Variants in SNTG1 observed in about 807,000 individuals in gnomAD.
The protein encoded by SNTG1 is syntrophin gamma 1.
In SNTG1, 39 loss-of-function variants were observed where a neutral mutation model predicts 74.7. The ratio of observed to expected loss-of-function variants is 0.52; its 90% CI spans 0.40 to 0.68. The LOEUF (loss-of-function observed/expected upper bound fraction) is 0.68. Ranked by LOEUF, SNTG1 falls within the 30% of genes least tolerant of loss-of-function variation. The pLI is 0.00. For missense variants in SNTG1, 685 were observed against 609.5 expected (o/e 1.12, Z -1.30); for synonymous variants, 254 against 217.1 (o/e 1.17, Z -1.49).
At chr8:50,425,889 C>T (rs560149267) in intron 4 of SNTG1, among the ~76,000 whole-genome samples, 126 of 152,212 alleles carry the variant, frequency 8.3e-4, no homozygotes, top group Middle Eastern at 3.4e-3. Flanking sequence ...GGACGAATTC[C>T]TAAATCCCAG....
intron 13 of SNTG1, among the ~76,000 whole-genome samples, chr8:50,608,712 A>G (rs1479421399): frequency 6.6e-6 from 1 of 151,864 alleles, no homozygotes; most frequent in East Asian, 1.9e-4. Flanking sequence ...TGAAATAATT[A>G]TGGATATGCT....
At chr8:50,353,948 G>A (rs1318472719) in intron 2 of SNTG1, among the ~76,000 whole-genome samples, 1 of 152,202 alleles carries the variant, frequency 6.6e-6, no homozygotes. Context: ...TGTTTCAAAA[G>A]GACTAATTGA....
intron 1 of SNTG1, among the ~76,000 whole-genome samples, chr8:50,034,202 C>A (rs1276323052): frequency 1.3e-5 from 2 of 152,106 alleles, no homozygotes; most frequent in African/African-American, 4.8e-5. Context: ...ATAAATTCAG[C>A]AATTGGATCA....
intron 13 of SNTG1, among the ~76,000 whole-genome samples, chr8:50,611,876 C>T (rs930276690): frequency 5.3e-5 from 8 of 152,142 alleles, no homozygotes; most frequent in African/African-American, 1.7e-4. Context: ...AAACAATCCT[C>T]CTACCTCAGC....
intron 8 of SNTG1, among the ~76,000 whole-genome samples, chr8:50,460,677 G>A (rs2093552887): frequency 6.6e-6 from 1 of 152,066 alleles, no homozygotes; most frequent in Non-Finnish European, 1.5e-5. Context: ...TGAAAGGTAG[G>A]GGTCCAGTTT....
chr8:50,136,260 G>T (rs2081472834), intron 1 of SNTG1, among the ~76,000 whole-genome samples: 1 of 152,064 alleles, frequency 6.6e-6, no homozygotes, highest in Non-Finnish European at 1.5e-5. Flanking sequence ...TATTTTGGGG[G>T]GGAATATGCC....
At chr8:50,624,825 G>A (rs981365188) in intron 13 of SNTG1, among the ~76,000 whole-genome samples, 1 of 152,102 alleles carries the variant, frequency 6.6e-6, no homozygotes, top group Non-Finnish European at 1.5e-5. Flanking sequence ...ATGACAAGAA[G>A]TCAAGTTCCA....
chr8:50,581,866 T>C (rs1462388620), intron 12 of SNTG1, among the ~76,000 whole-genome samples: 2 of 152,224 alleles, frequency 1.3e-5, no homozygotes, highest in African/African-American at 4.8e-5. Flanking sequence ...TCCTAAAGAA[T>C]GTCTAGTGAT....
At chr8:50,509,657 T>C (rs2129893907) in intron 9 of SNTG1, among the ~76,000 whole-genome samples, 1 of 152,236 alleles carries the variant, frequency 6.6e-6, no homozygotes, top group Non-Finnish European at 1.5e-5. Context: ...GATTCCTAGG[T>C]ATTTTATTCT....
At position 50,214,299 on chromosome 8, in the gene SNTG1, C is replaced by T. The variant is rs1340395366; in HGVS notation, c.-28+41664C>T. Among the ~76,000 whole-genome samples the T allele has an allele frequency of 2.7e-5, 4 of 149,778 alleles. 1 individual carries two copies. In the East Asian group the frequency reaches 8.0e-4, roughly 30 times the overall value. Reference sequence around the variant, plus strand: ...GGGAGGGATAACATTAGGAGATATACCTAATGCTAAATGACGAGTTAATGG... The same window carrying T: ...GGGAGGGATAACATTAGGAGATATATCTAATGCTAAATGACGAGTTAATGG... On this transcript the variant is annotated intron_variant, in intron 2 of 18. Coordinates refer to ENST00000642720, the MANE Select transcript of SNTG1 (RefSeq NM_018967.5).
At chr8:50,327,288 T>C (rs1471399506) in intron 2 of SNTG1, among the ~76,000 whole-genome samples, 1 of 152,146 alleles carries the variant, frequency 6.6e-6, no homozygotes, top group East Asian at 1.9e-4. Context: ...TAATAGCGAA[T>C]TCACCCTTTT....
At chr8:50,508,698 G>C (rs1001769966) in intron 9 of SNTG1, among the ~76,000 whole-genome samples, 3 of 152,138 alleles carry the variant, frequency 2.0e-5, no homozygotes, top group African/African-American at 4.8e-5. Context: ...TCATTTGTCT[G>C]TTGGTGGCAT....
intron 13 of SNTG1, among the ~76,000 whole-genome samples, chr8:50,606,702 TG>T (rs2094815358): frequency 1.3e-5 from 2 of 152,140 alleles, no homozygotes; most frequent in East Asian, 3.9e-4. Flanking sequence ...AATAGCTAGA[TG>T]TTTTTCATAA....
At chr8:50,079,642 C>T (rs1175172273) in intron 1 of SNTG1, among the ~76,000 whole-genome samples, 1 of 152,058 alleles carries the variant, frequency 6.6e-6, no homozygotes, top group African/African-American at 2.4e-5. Flanking sequence ...TTTGCTCATG[C>T]CTATGTCCTA....
At chr8:50,660,186 A>G (rs1181100406) in intron 15 of SNTG1, among the ~76,000 whole-genome samples, 2 of 151,746 alleles carry the variant, frequency 1.3e-5, no homozygotes, top group Non-Finnish European at 2.9e-5. Flanking sequence ...AGGGGAAGAA[A>G]AGAAAGAAAG....
intron 4 of SNTG1, among the ~76,000 whole-genome samples, chr8:50,412,772 C>T (rs74463160): frequency 0.019 from 2,815 of 152,114 alleles, 90 homozygotes; most frequent in African/African-American, 0.063. Context: ...GCAAAATTAC[C>T]AATTACCAAA....
At position 50,319,294 on chromosome 8, in the gene SNTG1, G is replaced by A. The variant is rs62515928; in HGVS notation, c.-27-74918G>A. 9.3e-3 allele frequency among the ~76,000 whole-genome samples: 1,420 copies of A among 152,212 alleles called. 10 individuals carry two copies. The highest frequency in any genetic ancestry group is 0.016 in the Non-Finnish European group (1,062 of 68,018). ...CAGGAGAATCGCTTGAACCTGGGAGGTGGAGATTTCAGTGAGCTGAGATCA... is the reference window on the plus strand; with the variant it reads ...CAGGAGAATCGCTTGAACCTGGGAGATGGAGATTTCAGTGAGCTGAGATCA... On this transcript the variant is annotated intron_variant, in intron 2 of 18. Coordinates refer to ENST00000642720, the MANE Select transcript of SNTG1 (RefSeq NM_018967.5).
intron 13 of SNTG1, among the ~76,000 whole-genome samples, chr8:50,650,292 A>T (rs978942016): frequency 2.0e-5 from 3 of 152,014 alleles, no homozygotes; most frequent in African/African-American, 7.2e-5. Flanking sequence ...AATTATATTG[A>T]TGCTTTTAAA....
At chr8:50,160,959 A>G (rs1267505462) in intron 1 of SNTG1, among the ~76,000 whole-genome samples, 1 of 152,138 alleles carries the variant, frequency 6.6e-6, no homozygotes, top group Non-Finnish European at 1.5e-5. Flanking sequence ...CACAGCCACC[A>G]ATGAGAGGGA....
Sources: gnomAD v4.1 joint callset for allele counts (sites outside exome capture counted in the v4.1 genomes callset) on GRCh38, gnomAD v4.1.1 for gene constraint, MANE v1.5 for transcripts, NCBI Gene and HGNC (gene_info 2026-07-23, HGNC 2026-07-21) for gene names.